PROM1: variants seen among roughly 807,000 people sequenced by gnomAD.
PROM1 encodes prominin-1.
Under a neutral mutation model 116.9 loss-of-function variants are expected in PROM1, and 105 were observed. The observed-to-expected ratio is 0.90, with a 90% CI of 0.77 to 1.06. PROM1 has a LOEUF of 1.06. Ranked by LOEUF, PROM1 falls within the 50% of genes least tolerant of loss-of-function variation. The pLI is 0.00. For synonymous variants in PROM1, 393 were observed against 387.0 expected (o/e 1.02, Z -0.18); for missense variants, 1,122 against 1,045.2 (o/e 1.07, Z -1.01).
At chr4:16,073,998 G>A (rs1210672890) in intron 2 of PROM1, among the ~76,000 whole-genome samples, 1 of 152,126 alleles carries the variant, frequency 6.6e-6, no homozygotes, top group Non-Finnish European at 1.5e-5. Flanking sequence ...AATGAGACAC[G>A]GGAAGCTTTC....
Position 16,013,386 on chromosome 4 carries a change from C to G in PROM1, c.1078-48G>C, listed in dbSNP as rs931143194. 5 of 1,319,528 alleles carry G rather than the reference C, an allele frequency of 3.8e-6. No homozygotes were observed. In the East Asian group the frequency reaches 6.9e-5, roughly 18 times the overall value. 81.7% of individuals were successfully genotyped at this position (1,319,528 alleles called of 1,614,324 possible). ...AGGATGTACACAGTTAAGTCAAAGA[C>G]TAGTTGACTAGTCACTCATTTTGCA... On this transcript the variant is annotated intron_variant, in intron 10 of 27. Transcript: ENST00000447510.
chr4:16,006,324 G>T (rs938899734), intron 13 of PROM1, among the ~76,000 whole-genome samples: 5 of 152,220 alleles, frequency 3.3e-5, no homozygotes, highest in African/African-American at 9.6e-5. Flanking sequence ...TGTTGTTGTT[G>T]TTGTTGTTTG....
intron 8 of PROM1, among the ~76,000 whole-genome samples, chr4:16,020,017 A>T (rs1729454109): frequency 6.6e-6 from 1 of 152,184 alleles, no homozygotes. Context: ...CCTTGGTCTC[A>T]TCTATAAATT....
intron 2 of PROM1, among the ~76,000 whole-genome samples, chr4:16,069,450 T>C (rs1297526335): frequency 4.6e-5 from 7 of 152,236 alleles, no homozygotes; most frequent in African/African-American, 1.7e-4. Flanking sequence ...CAATGCATAC[T>C]TTTAACGTGC....
chr4:16,038,884 G>A (rs1734539020), intron 3 of PROM1, 62 bp downstream of exon 3: 5 of 1,413,538 alleles, frequency 3.5e-6, no homozygotes, highest in Non-Finnish European at 4.6e-6. Flanking sequence ...TTACTTTCAA[G>A]TCAGCCAAAA....
intron 5 of PROM1, among the ~76,000 whole-genome samples, chr4:16,029,786 G>A (rs920440985): frequency 6.6e-6 from 1 of 152,308 alleles, no homozygotes; most frequent in Middle Eastern, 3.4e-3. Context: ...AAAGGCAGGT[G>A]GACTGCTCTG....
chr4:16,076,304 C>T, intron 1 of PROM1, 186 bp from the exon 2 acceptor site: 1 of 186,108 alleles, frequency 5.4e-6, no homozygotes, highest in Non-Finnish European at 1.1e-5. Context: ...AAAGCCATGA[C>T]TCACAGAAGG....
chr4:16,052,257 G>A (rs556437062), intron 2 of PROM1, among the ~76,000 whole-genome samples: 1 of 152,026 alleles, frequency 6.6e-6, no homozygotes, highest in Middle Eastern at 3.2e-3. Flanking sequence ...ACATCTCCAC[G>A]TCTCCAGCCT....
At chr4:16,060,545 C>G (rs539625187) in intron 2 of PROM1, among the ~76,000 whole-genome samples, 50 of 152,106 alleles carry the variant, frequency 3.3e-4, no homozygotes, top group Admixed American at 7.2e-4. Context: ...AACTCCTGGG[C>G]TCTCAAATAA....
At chr4:16,058,253 A>C (rs1374319375) in intron 2 of PROM1, among the ~76,000 whole-genome samples, 2 of 152,220 alleles carry the variant, frequency 1.3e-5, no homozygotes, top group Non-Finnish European at 2.9e-5. Flanking sequence ...ACAACCACTG[A>C]AGGCTTTAAC....
chr4:16,038,990 T>G lies in PROM1; in HGVS notation c.232A>C (p.Lys78Gln), dbSNP rs757074285. The change falls in exon 3 of 28, where the codon AAA (lysine) becomes CAA (glutamine). Residue 78 changes from lysine (K) to glutamine (Q), a missense_variant. Lys to Gln is a moderately conservative substitution (Grantham distance 53). Transcript: ENST00000447510. ...PRDFPEDTLR[K>Q]FLQKAYESKI... ...GATTCATATGCCTTCTGTAAGAATT[T>G]TCTCAAAGTATCTGGAAAAAAAGCC... 6.0e-6 allele frequency: 9 copies of G among 1,501,940 alleles called. No individual in the cohort carries two copies. The African/African-American group carries it at 1.3e-4, about 21-fold the overall frequency. 93.0% of individuals were successfully genotyped at this position (1,501,940 alleles called of 1,614,324 possible).
chr4:15,990,610 G>A (rs1720729827), intron 18 of PROM1, among the ~76,000 whole-genome samples: 1 of 152,180 alleles, frequency 6.6e-6, no homozygotes, highest in Admixed American at 6.5e-5. Context: ...AGTAGTGAGG[G>A]TGCCCGCACT....
At chr4:15,997,321 T>C (rs1433977205) in intron 15 of PROM1, among the ~76,000 whole-genome samples, 1 of 149,502 alleles carries the variant, frequency 6.7e-6, no homozygotes, top group African/African-American at 2.4e-5. Context: ...TATATATATA[T>C]ATATATATGA....
intron 2 of PROM1, among the ~76,000 whole-genome samples, chr4:16,071,262 C>T (rs763888191): frequency 2.6e-5 from 4 of 152,176 alleles, no homozygotes; most frequent in South Asian, 2.1e-4. Flanking sequence ...TACCGCAGAA[C>T]GCAGGGACTT....
At chr4:16,052,270 C>T (rs1738062043) in intron 2 of PROM1, among the ~76,000 whole-genome samples, 1 of 152,178 alleles carries the variant, frequency 6.6e-6, no homozygotes, top group Non-Finnish European at 1.5e-5. Context: ...TCCAGCCTTA[C>T]TCACTGCACT....
At chr4:15,976,953 G>T (rs542930215) in intron 26 of PROM1, among the ~76,000 whole-genome samples, 123 of 152,286 alleles carry the variant, frequency 8.1e-4, no homozygotes, top group Non-Finnish European at 1.1e-3. Flanking sequence ...AGCAGTGACT[G>T]GGGGAGGAGG....
At chr4:16,052,555 C>T (rs1214770211) in intron 2 of PROM1, among the ~76,000 whole-genome samples, 4 of 152,172 alleles carry the variant, frequency 2.6e-5, no homozygotes, top group African/African-American at 9.7e-5. Flanking sequence ...CGGCTCACTG[C>T]AGCCTTAACC....
intron 11 of PROM1, among the ~76,000 whole-genome samples, chr4:16,009,757 T>A (rs1726414839): frequency 6.6e-6 from 1 of 152,018 alleles, no homozygotes; most frequent in African/African-American, 2.4e-5. Flanking sequence ...CTGACCAACA[T>A]GGCAAAACCC....
chr4:16,026,504 A>G (rs1731327600), intron 5 of PROM1, among the ~76,000 whole-genome samples: 2 of 152,230 alleles, frequency 1.3e-5, no homozygotes, highest in African/African-American at 4.8e-5. Flanking sequence ...CAAACTTTAA[A>G]AACATATCAG....
Sources: allele counts gnomAD v4.1 joint callset (sites outside exome capture counted in the v4.1 genomes callset), GRCh38; gene constraint gnomAD v4.1.1; transcripts MANE v1.5; gene names NCBI Gene and HGNC (gene_info 2026-07-23, HGNC 2026-07-21).